The following NPAS2 variants were observed in gnomAD, a reference collection of about 807,000 sequenced individuals.
The protein encoded by NPAS2 is neuronal PAS domain protein 2.
Under a neutral mutation model 107.5 loss-of-function variants are expected in NPAS2, and 23 were observed. That is an observed-to-expected ratio of 0.21 (90% CI 0.15 to 0.30). NPAS2 has a LOEUF of 0.30. Among genes scored for constraint, NPAS2 ranks in the 10% least tolerant of loss-of-function variants. NPAS2 has a pLI of 1.00. For synonymous variants in NPAS2, 403 were observed against 417.5 expected, an observed-to-expected ratio of 0.97 and a Z score of 0.42; for missense variants, 756 against 1,043.3, an observed-to-expected ratio of 0.72 and a Z score of 3.79.
intron 4 of NPAS2, chr2:100,935,275 C>G (rs1684224736): frequency 5.8e-6 from 1 of 173,524 alleles, no homozygotes; most frequent in Admixed American, 6.5e-5. Flanking sequence ...TCTCTTAGCC[C>G]AGAGGTTGTC....
intron 2 of NPAS2, among the ~76,000 whole-genome samples, chr2:100,917,028 A>T (rs1682923142): frequency 6.6e-6 from 1 of 152,218 alleles, no homozygotes; most frequent in Non-Finnish European, 1.5e-5. Context: ...CAATGCTTAG[A>T]GGGAAACTTG....
intron 7 of NPAS2, among the ~76,000 whole-genome samples, chr2:100,949,929 A>T (rs1478164550): frequency 6.6e-6 from 1 of 152,116 alleles, no homozygotes; most frequent in Non-Finnish European, 1.5e-5. Flanking sequence ...TGTGGCCCTC[A>T]TGCACAGCAA....
chr2:100,898,795 A>G (rs1379994926), intron 1 of NPAS2, among the ~76,000 whole-genome samples: 1 of 152,100 alleles, frequency 6.6e-6, no homozygotes, highest in East Asian at 1.9e-4. Flanking sequence ...TAAAAAAAAA[A>G]AAAAACAAAC....
At chr2:100,851,677 A>G (rs975448608) in intron 1 of NPAS2, among the ~76,000 whole-genome samples, 1 of 152,246 alleles carries the variant, frequency 6.6e-6, no homozygotes, top group African/African-American at 2.4e-5. Context: ...TATAATGTTC[A>G]GTGAAAAAGA....
At chr2:100,979,622 T>G (rs993066560) in intron 15 of NPAS2, among the ~76,000 whole-genome samples, 1 of 151,056 alleles carries the variant, frequency 6.6e-6, no homozygotes, top group Non-Finnish European at 1.5e-5. Flanking sequence ...CCAGCGATTC[T>G]TCTGCCTCAG....
Position 100,968,151 on chromosome 2 carries a change from G to T in NPAS2, c.908-130G>T. 1.1e-6 allele frequency: 1 copy of T among 918,456 alleles called. No individual in the cohort carries two copies. The allele number at this position is 918,456 out of a possible 1,614,324, so 56.9% of individuals were successfully genotyped here. A position where few individuals can be genotyped will look rare whatever the true frequency, so the allele number is the denominator to read the frequency against. ...TCCTGACAGTCACTTAAAATACAGG[G>T]CAACCGGGGAAACAAGCCATGTTTG... On this transcript the variant is annotated intron_variant, in intron 10 of 20. Coordinates refer to ENST00000335681, the MANE Select transcript of NPAS2 (RefSeq NM_002518.4). This position sits in a 1 kb window ranked among gnomAD's most constrained non-coding sequence, Gnocchi z 5.3.
chr2:100,923,499 G>A (rs927589031), intron 2 of NPAS2, among the ~76,000 whole-genome samples: 26 of 152,146 alleles, frequency 1.7e-4, no homozygotes, highest in African/African-American at 5.6e-4. Flanking sequence ...GTGTCCAAGG[G>A]CTGTTTATTG....
At chr2:100,941,915 G>A (rs1436168248) in intron 5 of NPAS2, among the ~76,000 whole-genome samples, 2 of 152,138 alleles carry the variant, frequency 1.3e-5, no homozygotes, top group African/African-American at 4.8e-5. Context: ...TAATGAGCTG[G>A]ATCGTGCTAA....
chr2:100,825,684 C>A (rs889084059), intron 1 of NPAS2, among the ~76,000 whole-genome samples: 1 of 152,132 alleles, frequency 6.6e-6, no homozygotes, highest in Non-Finnish European at 1.5e-5. Context: ...GGTGAGCATG[C>A]GGACCCTGTT....
At chr2:100,893,936 C>T (rs773922354) in intron 1 of NPAS2, among the ~76,000 whole-genome samples, 6 of 152,142 alleles carry the variant, frequency 3.9e-5, no homozygotes, top group East Asian at 1.9e-4. Flanking sequence ...CATGCCTTTC[C>T]GTGCGTGCTG....
chr2:100,899,443 G>C (rs182992765), intron 1 of NPAS2, among the ~76,000 whole-genome samples: 15 of 151,918 alleles, frequency 9.9e-5, no homozygotes. Context: ...GGCTGGTCTC[G>C]AACTCCTGAC....
intron 1 of NPAS2, among the ~76,000 whole-genome samples, chr2:100,899,017 A>G (rs1681604499): frequency 6.6e-6 from 1 of 152,130 alleles, no homozygotes; most frequent in Admixed American, 6.5e-5. Context: ...TTTGAGAAAA[A>G]CATCAGACAA....
intron 1 of NPAS2, among the ~76,000 whole-genome samples, chr2:100,880,187 C>T (rs1680243398): frequency 6.6e-6 from 1 of 152,200 alleles, no homozygotes; most frequent in African/African-American, 2.4e-5. Flanking sequence ...TAAACTGGTG[C>T]AGCCGCTGTG....
chr2:100,975,378 C>G, intron 13 of NPAS2, 80 bp from the exon 14 acceptor site: 2 of 1,275,722 alleles, frequency 1.6e-6, no homozygotes, highest in East Asian at 2.4e-5. Flanking sequence ...ACTGTGCACA[C>G]CACGGTCATG....
At chr2:100,826,890 A>G (rs988816832) in intron 1 of NPAS2, among the ~76,000 whole-genome samples, 1 of 152,184 alleles carries the variant, frequency 6.6e-6, no homozygotes, top group African/African-American at 2.4e-5. Context: ...GCATTTTCAC[A>G]TGTTTGAGGT....
At chr2:100,823,689 A>G (rs6724965) in intron 1 of NPAS2, 49,197 of 151,764 alleles carry the variant, frequency 0.32, 10,500 homozygotes, top group African/African-American at 0.6. Context: ...TAGAGAGCCC[A>G]GATGATAAAA....
intron 1 of NPAS2, among the ~76,000 whole-genome samples, chr2:100,896,450 G>A (rs950225262): frequency 6.6e-6 from 1 of 152,212 alleles, no homozygotes; most frequent in Non-Finnish European, 1.5e-5. Context: ...GGTGCTGCCT[G>A]ATTTATGAGT....
chr2:100,898,849 G>A (rs1681593736), intron 1 of NPAS2, among the ~76,000 whole-genome samples: 1 of 151,528 alleles, frequency 6.6e-6, no homozygotes, highest in Non-Finnish European at 1.5e-5. Flanking sequence ...ACATGTAAAT[G>A]TAACTAACAT....
At chr2:100,886,613 T>A (rs971247347) in intron 1 of NPAS2, among the ~76,000 whole-genome samples, 1 of 152,198 alleles carries the variant, frequency 6.6e-6, no homozygotes, top group Admixed American at 6.5e-5. Flanking sequence ...GGGGAGAAAC[T>A]GAGGCAGAGA....
Sources: gnomAD v4.1 joint callset for allele counts (sites outside exome capture counted in the v4.1 genomes callset) on GRCh38, gnomAD v4.1.1 for gene constraint, Gnocchi (gnomAD v3.1) non-coding constraint, MANE v1.5 for transcripts, NCBI Gene and HGNC (gene_info 2026-07-23, HGNC 2026-07-21) for gene names.